Variants in DOCK4 observed in about 807,000 individuals in gnomAD.
DOCK4 encodes the protein dedicator of cytokinesis 4, also known as dedicator of cytokinesis protein 4.
In DOCK4, 97 loss-of-function variants were observed where a neutral mutation model predicts 268.1. The observed-to-expected ratio is 0.36, with a 90% CI of 0.31 to 0.43. The LOEUF (loss-of-function observed/expected upper bound fraction) is 0.43, where lower values mean the gene tolerates loss of function less well. Ranked by LOEUF, DOCK4 falls within the 20% of genes least tolerant of loss-of-function variation. The probability of loss-of-function intolerance (pLI) is 1.00; values close to 1 mark genes in which losing one functional copy is unlikely to be tolerated. For missense variants in DOCK4, 2,145 were observed against 2,455.7 expected (o/e 0.87, Z 2.67); for synonymous variants, 954 against 887.2 (o/e 1.08, Z -1.34).
intron 39 of DOCK4, among the ~76,000 whole-genome samples, chr7:111,762,501 T>A (rs1012765467): frequency 6.6e-6 from 1 of 152,162 alleles, no homozygotes; most frequent in African/African-American, 2.4e-5. Context: ...TTAAAGTTCA[T>A]CCATTTTGTA....
At chr7:112,006,549 G>A (rs188379337) in intron 1 of DOCK4, among the ~76,000 whole-genome samples, 4 of 152,274 alleles carry the variant, frequency 2.6e-5, no homozygotes, top group South Asian at 2.1e-4. Context: ...ATTCAGCTAC[G>A]TAATATGTAA....
At chr7:111,840,806 C>G (rs1803624385) in intron 25 of DOCK4, 1 of 1,344,314 alleles carries the variant, frequency 7.4e-7, no homozygotes, top group African/African-American at 1.5e-5. Flanking sequence ...TGTGTCTGCA[C>G]AGACTGAAAA....
At chr7:112,052,797 C>T (rs2135558409) in intron 1 of DOCK4, among the ~76,000 whole-genome samples, 1 of 152,258 alleles carries the variant, frequency 6.6e-6, no homozygotes, top group East Asian at 1.9e-4. Flanking sequence ...TCTCCAATAT[C>T]ATTATTAAAC....
At chr7:111,796,909 C>T (rs1050660868) in intron 30 of DOCK4, among the ~76,000 whole-genome samples, 4 of 152,174 alleles carry the variant, frequency 2.6e-5, no homozygotes, top group Admixed American at 2.6e-4. Flanking sequence ...TGCCTTCAAC[C>T]ATGGGCAGCA....
intron 16 of DOCK4, among the ~76,000 whole-genome samples, chr7:111,885,923 T>C (rs1354751837): frequency 6.6e-6 from 1 of 152,194 alleles, no homozygotes. Flanking sequence ...GTGTATTTCT[T>C]TCTCTGGAAT....
chr7:112,192,489 CT>C (rs749031300), intron 1 of DOCK4, among the ~76,000 whole-genome samples: 1 of 152,146 alleles, frequency 6.6e-6, no homozygotes, highest in Non-Finnish European at 1.5e-5. Context: ...CTCCTCAGGG[CT>C]GTTTCTTCAG....
At chr7:112,072,230 T>TG (rs1807655491) in intron 1 of DOCK4, among the ~76,000 whole-genome samples, 1 of 110,738 alleles carries the variant, frequency 9.0e-6, no homozygotes, top group African/African-American at 4.6e-5. Flanking sequence ...TTCTCACATG[T>TG]GGAAAAAAAA....
chr7:111,990,120 A>G (rs1424889012), intron 5 of DOCK4, among the ~76,000 whole-genome samples: 1 of 152,120 alleles, frequency 6.6e-6, no homozygotes, highest in African/African-American at 2.4e-5. Context: ...GGTTGTTGTG[A>G]GGATTAATGA....
intron 1 of DOCK4, among the ~76,000 whole-genome samples, chr7:112,165,592 C>T (rs1429564203): frequency 6.6e-6 from 1 of 150,612 alleles, no homozygotes; most frequent in Non-Finnish European, 1.5e-5. Flanking sequence ...TCTTTGGACA[C>T]TTAGGGTCAA....
At chr7:111,895,225 A>C (rs1430656862) in intron 16 of DOCK4, among the ~76,000 whole-genome samples, 7 of 152,234 alleles carry the variant, frequency 4.6e-5, no homozygotes, top group Admixed American at 4.6e-4. Flanking sequence ...ACAATAGCAG[A>C]CAAAAAAAAG....
intron 1 of DOCK4, among the ~76,000 whole-genome samples, chr7:112,066,531 C>CAT (rs1221188162): frequency 4.2e-5 from 5 of 120,266 alleles, no homozygotes; most frequent in Admixed American, 8.9e-5. Context: ...TACACACACA[C>CAT]ATATATATAC....
chr7:111,879,519 T>C (rs1283139852), intron 16 of DOCK4, among the ~76,000 whole-genome samples: 2 of 152,174 alleles, frequency 1.3e-5, no homozygotes, highest in Non-Finnish European at 2.9e-5. Flanking sequence ...AGTAGGCTCT[T>C]GGGGTCCCCC....
chr7:112,090,034 C>A (rs1809481741), intron 1 of DOCK4, among the ~76,000 whole-genome samples: 1 of 152,118 alleles, frequency 6.6e-6, no homozygotes. Flanking sequence ...TGAAGAATCA[C>A]AAAATATTCT....
At chr7:111,919,371 G>C (rs1792908290) in intron 12 of DOCK4, among the ~76,000 whole-genome samples, 2 of 152,100 alleles carry the variant, frequency 1.3e-5, no homozygotes, top group African/African-American at 2.4e-5. Context: ...AGTGCAAAAG[G>C]ACAGAGAGGA....
intron 1 of DOCK4, among the ~76,000 whole-genome samples, chr7:112,015,360 T>C (rs1801725216): frequency 6.6e-6 from 1 of 152,204 alleles, no homozygotes; most frequent in South Asian, 2.1e-4. Context: ...ACTCCAAGAA[T>C]AATCCACTCT....
chr7:111,817,997 C>T (rs550803589), intron 27 of DOCK4, among the ~76,000 whole-genome samples: 1 of 152,344 alleles, frequency 6.6e-6, no homozygotes, highest in South Asian at 2.1e-4. Flanking sequence ...ACATCACCAC[C>T]AACCTCCCAG....
At position 111,869,642 on chromosome 7, in the gene DOCK4, C is replaced by G; in HGVS notation, c.2041G>C (p.Val681Leu). ...ATCCGGTCCACGTACCATTTGAGCA[C>G]TTTGATGAGATCTCTAAAATACAGG... ...GALAYRDLIK[V>L]LKWYVDRITE... The change falls in exon 21 of 53, where the codon GTG becomes CTG. Residue 681 changes from valine to leucine, a missense_variant. Coordinates refer to ENST00000428084, the MANE Select transcript of DOCK4 (RefSeq NM_001363540.2). The G allele has an allele frequency of 6.2e-7, 1 of 1,613,290 alleles. No individual in the cohort carries two copies. Among genetic ancestry groups the G allele is most frequent in the Non-Finnish European group, 8.5e-7 (1 of 1,179,370 alleles).
intron 8 of DOCK4, among the ~76,000 whole-genome samples, chr7:111,952,703 C>T (rs1796146546): frequency 6.6e-6 from 1 of 151,994 alleles, no homozygotes; most frequent in Non-Finnish European, 1.5e-5. Flanking sequence ...CAAAAAATTA[C>T]AAAGAACGCT....
rs1485519869 is a variant in DOCK4 at position 111,863,533 on chromosome 7, T to C, written c.2312A>G (p.Tyr771Cys). The C allele has an allele frequency of 6.2e-7, 1 of 1,611,302 alleles. No individual in the cohort carries two copies. The highest frequency in any genetic ancestry group is 1.3e-5 in the African/African-American group (1 of 74,958). The change falls in exon 23 of 53, where the codon TAC becomes TGC. Residue 771 changes from tyrosine to cysteine, a missense_variant. Physicochemically the swap from Tyr to Cys is radical, Grantham distance 194. Transcript: ENST00000428084. Reference protein sequence around the residue: ...AVFLSSFPAVYSELLKLFDVR... With the variant: ...AVFLSSFPAVCSELLKLFDVR... ...ATCAAAGAGCTTCAACAGTTCTGAG[T>C]ACACGGCAGGGAAAGAGCTCAGAAA...
Sources: allele counts gnomAD v4.1 joint callset (sites outside exome capture counted in the v4.1 genomes callset), GRCh38; gene constraint gnomAD v4.1.1; transcripts MANE v1.5; gene names NCBI Gene and HGNC (gene_info 2026-07-23, HGNC 2026-07-21).